Variants in ST8SIA1 observed in about 807,000 individuals in gnomAD.
ST8SIA1 encodes the protein ST8 alpha-N-acetyl-neuraminide alpha-2,8-sialyltransferase 1.
Under a neutral mutation model 35.9 loss-of-function variants are expected in ST8SIA1, and 16 were observed. That is an observed-to-expected ratio of 0.45 (90% CI 0.30 to 0.68). ST8SIA1 has a LOEUF of 0.68. Among genes scored for constraint, ST8SIA1 ranks in the 30% least tolerant of loss-of-function variants. ST8SIA1 has a pLI of 0.09. For missense variants in ST8SIA1, 383 were observed against 453.6 expected (o/e 0.84, Z 1.41); for synonymous variants, 170 against 169.6 (o/e 1.00, Z -0.02).
At chr12:22,262,384 C>G (rs567418281) in intron 2 of ST8SIA1, among the ~76,000 whole-genome samples, 1 of 152,314 alleles carries the variant, frequency 6.6e-6, no homozygotes, top group Admixed American at 6.5e-5. Flanking sequence ...TCTTCCTCCT[C>G]TCCTTGTGCA....
intron 2 of ST8SIA1, among the ~76,000 whole-genome samples, chr12:22,264,240 A>G (rs1361248052): frequency 1.3e-5 from 2 of 152,126 alleles, no homozygotes; most frequent in Admixed American, 6.5e-5. Flanking sequence ...CCTCCTTAAC[A>G]TATTTAATTG....
At position 22,282,964 on chromosome 12, in the gene ST8SIA1, G is replaced by T. The variant is rs187201543; in HGVS notation, c.381+4185C>A. Reference sequence around the variant, plus strand: ...ACTCAGGGATATCCGGGAGCTCAGAGAATTCTATTAAGCACACTACTGTGA... The same window carrying T: ...ACTCAGGGATATCCGGGAGCTCAGATAATTCTATTAAGCACACTACTGTGA... On this transcript the variant is annotated intron_variant, in intron 2 of 4. Coordinates refer to ENST00000396037, the MANE Select transcript of ST8SIA1 (RefSeq NM_003034.4). Among the ~76,000 whole-genome samples the T allele has an allele frequency of 3.3e-5, 5 of 152,242 alleles. No homozygotes were observed. In the East Asian group the frequency reaches 9.7e-4, roughly 29 times the overall value.
intron 2 of ST8SIA1, among the ~76,000 whole-genome samples, chr12:22,285,877 CAAA>C (rs1398352110): frequency 2.9e-5 from 3 of 103,624 alleles, no homozygotes; most frequent in African/African-American, 7.4e-5. Flanking sequence ...CTGTCAAAAA[CAAA>C]AAAAAAAAAA....
intron 1 of ST8SIA1, among the ~76,000 whole-genome samples, chr12:22,318,682 G>T (rs924153233): frequency 6.6e-6 from 1 of 152,226 alleles, no homozygotes; most frequent in South Asian, 2.1e-4. Flanking sequence ...CTTGAGGAAT[G>T]GGTGATACAA....
At chr12:22,231,142 A>T (rs1022395915) in intron 4 of ST8SIA1, among the ~76,000 whole-genome samples, 127 of 148,360 alleles carry the variant, frequency 8.6e-4, no homozygotes, top group African/African-American at 3.0e-3. Flanking sequence ...TAAATATATA[A>T]TAGACATAAT....
At chr12:22,315,525 C>T (rs1304134637) in intron 1 of ST8SIA1, among the ~76,000 whole-genome samples, 2 of 152,016 alleles carry the variant, frequency 1.3e-5, no homozygotes, top group African/African-American at 4.8e-5. Context: ...AACTATTTTC[C>T]TTCTCTACCT....
chr12:22,324,665 T>G (rs2135844192), intron 1 of ST8SIA1: 1 of 152,288 alleles, frequency 6.6e-6, no homozygotes, highest in African/African-American at 2.4e-5. Context: ...CTTTTACAAA[T>G]GAAAATAGTG....
intron 4 of ST8SIA1, among the ~76,000 whole-genome samples, chr12:22,245,842 A>G (rs1297430377): frequency 6.6e-6 from 1 of 152,154 alleles, no homozygotes; most frequent in East Asian, 1.9e-4. Context: ...GGTTTCATCA[A>G]TCACGCCTGC....
At chr12:22,306,239 C>T (rs1866381438) in intron 1 of ST8SIA1, among the ~76,000 whole-genome samples, 1 of 152,172 alleles carries the variant, frequency 6.6e-6, no homozygotes, top group African/African-American at 2.4e-5. Flanking sequence ...ACCTTGGGCA[C>T]ATGTCGTCAG....
intron 2 of ST8SIA1, among the ~76,000 whole-genome samples, chr12:22,266,420 C>A (rs1190010405): frequency 6.6e-6 from 1 of 151,894 alleles, no homozygotes; most frequent in Non-Finnish European, 1.5e-5. Flanking sequence ...ACTGTTGCTA[C>A]TGTTATTTTC....
intron 3 of ST8SIA1, among the ~76,000 whole-genome samples, chr12:22,249,678 T>TTATC (rs1378036219): frequency 6.6e-6 from 1 of 152,154 alleles, no homozygotes; most frequent in Admixed American, 6.6e-5. Flanking sequence ...AAGGGGCAAA[T>TTATC]TATCTACAAA....
At chr12:22,288,460 T>A (rs1457874085) in intron 1 of ST8SIA1, among the ~76,000 whole-genome samples, 7 of 152,126 alleles carry the variant, frequency 4.6e-5, no homozygotes. Flanking sequence ...TGGTAGGTGT[T>A]CTCCTTCTTA....
At chr12:22,271,422 T>C (rs1032010083) in intron 2 of ST8SIA1, among the ~76,000 whole-genome samples, 5 of 152,212 alleles carry the variant, frequency 3.3e-5, no homozygotes, top group African/African-American at 4.8e-5. Flanking sequence ...AGTCATCTTC[T>C]AAGTGCCCAG....
rs534935592 is a variant in ST8SIA1, at chr12:22,326,300, T to C, written c.236+7697A>G. On this transcript the variant is annotated intron_variant, in intron 1 of 4. Transcript: ENST00000396037. ...TATTGCTGGGCTCTGCTGTCTTCCA[T>C]AAAATTTTGCCGGCCATAGTACAGC... 11 of 162,478 alleles carry C rather than the reference T, an allele frequency of 6.8e-5. No individual in the cohort carries two copies. In the East Asian group the frequency reaches 1.1e-3, roughly 16 times the overall value. The allele number at this position is 162,478 out of a possible 1,614,324, so 10.1% of individuals were successfully genotyped here. A position where few individuals can be genotyped will look rare whatever the true frequency, so the allele number is the denominator to read the frequency against.
chr12:22,247,430 G>A (rs1447480297), intron 4 of ST8SIA1, among the ~76,000 whole-genome samples: 1 of 151,974 alleles, frequency 6.6e-6, no homozygotes, highest in Non-Finnish European at 1.5e-5. Context: ...TGAATCTACA[G>A]GTATTTAAAA....
intron 4 of ST8SIA1, chr12:22,223,907 T>G: frequency 1.2e-6 from 1 of 805,768 alleles, no homozygotes; most frequent in Non-Finnish European, 1.6e-6. Flanking sequence ...TTTCTACATC[T>G]TTATCCTTTA....
intron 4 of ST8SIA1, among the ~76,000 whole-genome samples, chr12:22,241,047 C>T (rs1004284849): frequency 6.7e-6 from 1 of 149,508 alleles, no homozygotes; most frequent in South Asian, 2.1e-4. Flanking sequence ...CATGGCTAAC[C>T]TTAACCCTAA....
intron 4 of ST8SIA1, among the ~76,000 whole-genome samples, chr12:22,246,669 C>CA (rs1865607504): frequency 1.3e-5 from 2 of 151,548 alleles, no homozygotes; most frequent in Admixed American, 6.6e-5. Flanking sequence ...TTTTTTCTCT[C>CA]AGAGATGGTC....
intron 4 of ST8SIA1, among the ~76,000 whole-genome samples, chr12:22,246,725 T>G (rs986860033): frequency 1.3e-5 from 2 of 152,032 alleles, no homozygotes; most frequent in African/African-American, 2.4e-5. Flanking sequence ...CCTGGTGAAG[T>G]CCCAGGCGAT....
Sources: gnomAD v4.1 joint callset for allele counts (sites outside exome capture counted in the v4.1 genomes callset) on GRCh38, gnomAD v4.1.1 for gene constraint, MANE v1.5 for transcripts, NCBI Gene and HGNC (gene_info 2026-07-23, HGNC 2026-07-21) for gene names.